The following PRDM16 variants were observed in gnomAD, a reference collection of about 807,000 sequenced individuals.
PRDM16 encodes the protein histone-lysine N-methyltransferase PRDM16.
In PRDM16, 23 loss-of-function variants were observed where a neutral mutation model predicts 110.6. That is an observed-to-expected ratio of 0.21 (90% CI 0.15 to 0.29). The LOEUF is 0.29. Among genes scored for constraint, PRDM16 ranks in the 10% least tolerant of loss-of-function variants. PRDM16 has a pLI of 1.00. For missense variants in PRDM16, 1,615 were observed against 1,794.3 expected, an observed-to-expected ratio of 0.90 and a Z score of 1.81; for synonymous variants, 799 against 781.8, an observed-to-expected ratio of 1.02 and a Z score of -0.37.
chr1:3,188,200 G>A (rs1383733436), intron 2 of PRDM16, among the ~76,000 whole-genome samples: 2 of 152,214 alleles, frequency 1.3e-5, no homozygotes, highest in African/African-American at 2.4e-5. Flanking sequence ...TCCCTGCCTG[G>A]TGTGTGGGAG....
intron 2 of PRDM16, among the ~76,000 whole-genome samples, chr1:3,224,747 G>T (rs114864264): frequency 6.6e-6 from 1 of 152,242 alleles, no homozygotes; most frequent in Non-Finnish European, 1.5e-5. Context: ...CAGGATGACA[G>T]GGGGAACCCC....
At chr1:3,271,041 G>A (rs1486296334) in intron 3 of PRDM16, among the ~76,000 whole-genome samples, 1 of 152,138 alleles carries the variant, frequency 6.6e-6, no homozygotes, top group African/African-American at 2.4e-5. Flanking sequence ...TGTCTGCCAC[G>A]CTCCTCCCAG....
chr1:3,433,724 C>T lies in PRDM16; in HGVS notation c.3744C>T (p.Thr1248=). The part of the protein sequence containing the change: ...LSLSEDTPLH[T]PSQGSLDAWL... ...TTTCCGAAGACACTCCTCTCCACAC[C>T]CCCTCCCAGGGTTCTCTGGACGCTT... is the stretch of plus-strand genomic sequence containing the variant. The change falls in exon 17 of 17, where the codon ACC becomes ACT. Residue 1248 remains threonine, a synonymous_variant. Coordinates refer to ENST00000270722, the MANE Select transcript of PRDM16 (RefSeq NM_022114.4). The T allele has an allele frequency of 6.2e-7, 1 of 1,614,034 alleles. No homozygotes were observed. Among genetic ancestry groups the T allele is most frequent in the Non-Finnish European group, 8.5e-7 (1 of 1,179,954 alleles).
chr1:3,124,510 G>GGCAGCGATGCTTACCACTATA (rs1441339912), intron 1 of PRDM16, among the ~76,000 whole-genome samples: 1 of 152,188 alleles, frequency 6.6e-6, no homozygotes, highest in Non-Finnish European at 1.5e-5. Flanking sequence ...CCTTTTGGAA[G>GGCAGCGATGCTTACCACTATA]GCAGCGATGC....
intron 1 of PRDM16, among the ~76,000 whole-genome samples, chr1:3,165,094 C>T (rs1240695094): frequency 6.6e-6 from 1 of 152,264 alleles, no homozygotes; most frequent in Non-Finnish European, 1.5e-5. Flanking sequence ...CCGGGCCCCC[C>T]TCTGCCTGGC....
At position 3,105,765 on chromosome 1, in the gene PRDM16, G is replaced by A. The variant is rs576627683; in HGVS notation, c.37+36469G>A. 5.3e-5 allele frequency among the ~76,000 whole-genome samples: 8 copies of A among 152,330 alleles called. No homozygotes were observed. In the South Asian group the frequency reaches 1.0e-3, roughly 20 times the overall value. Reference sequence around the variant, plus strand: ...TAGCGCTCCGCTGGCCTCGCCTCCCGCCCTGAGAACGGGGCTAGCAGAGGC... The same window carrying A: ...TAGCGCTCCGCTGGCCTCGCCTCCCACCCTGAGAACGGGGCTAGCAGAGGC... On this transcript the variant is annotated intron_variant, in intron 1 of 16. Transcript: ENST00000270722.
At chr1:3,182,788 G>A (rs991018206) in intron 1 of PRDM16, among the ~76,000 whole-genome samples, 23 of 152,272 alleles carry the variant, frequency 1.5e-4, no homozygotes, top group South Asian at 1.2e-3. Flanking sequence ...GGGCCTCTCC[G>A]TGAAGATCCC....
intron 3 of PRDM16, among the ~76,000 whole-genome samples, chr1:3,276,019 G>C (rs974898025): frequency 6.6e-6 from 1 of 152,214 alleles, no homozygotes; most frequent in African/African-American, 2.4e-5. Context: ...TCACGCCGTG[G>C]GTGCCATTTC....
chr1:3,123,989 G>A (rs887812985), intron 1 of PRDM16, among the ~76,000 whole-genome samples: 2 of 152,220 alleles, frequency 1.3e-5, no homozygotes, highest in African/African-American at 4.8e-5. Context: ...CGTATGGTGG[G>A]CGTCCGAGTC....
chr1:3,314,071 C>CGGCGGG (rs1553161916), intron 3 of PRDM16, among the ~76,000 whole-genome samples: 2 of 100,656 alleles, frequency 2.0e-5, no homozygotes, highest in African/African-American at 1.2e-4. Flanking sequence ...CCTTCCCCAC[C>CGGCGGG]GGGGGGGGGG....
At chr1:3,197,378 GGCACTCA>G (rs1201668845) in intron 2 of PRDM16, among the ~76,000 whole-genome samples, 8 of 152,296 alleles carry the variant, frequency 5.3e-5, no homozygotes, top group Middle Eastern at 3.4e-3. Flanking sequence ...GCTCGTCGTG[GGCACTCA>G]GTCCAATTGT....
intron 2 of PRDM16, among the ~76,000 whole-genome samples, chr1:3,229,477 T>G (rs1639359675): frequency 6.6e-6 from 1 of 152,200 alleles, no homozygotes; most frequent in African/African-American, 2.4e-5. Context: ...ATGGTGACCT[T>G]GTCATGTTTG....
chr1:3,333,851 T>C (rs973349556), intron 3 of PRDM16, among the ~76,000 whole-genome samples: 9 of 152,122 alleles, frequency 5.9e-5, no homozygotes, highest in African/African-American at 1.9e-4. Context: ...AGCCTCTCCC[T>C]CTTGCCCACT....
At chr1:3,124,916 CA>C (rs1175427812) in intron 1 of PRDM16, among the ~76,000 whole-genome samples, 3 of 152,208 alleles carry the variant, frequency 2.0e-5, no homozygotes, top group Non-Finnish European at 2.9e-5. Context: ...CCCCAGGTCT[CA>C]GGGGTACTGG....
intron 2 of PRDM16, among the ~76,000 whole-genome samples, chr1:3,191,961 C>G (rs77669305): frequency 0.012 from 1,877 of 152,266 alleles, 72 homozygotes; most frequent in East Asian, 0.1. Context: ...CCGGTTCAGT[C>G]CGATGGCAGG....
chr1:3,277,908 T>A (rs1428201894), intron 3 of PRDM16, among the ~76,000 whole-genome samples: 1 of 151,976 alleles, frequency 6.6e-6, no homozygotes, highest in African/African-American at 2.4e-5. Context: ...ACCCATACAC[T>A]CATGCACATG....
chr1:3,275,824 C>T (rs749967521), intron 3 of PRDM16, among the ~76,000 whole-genome samples: 9 of 152,138 alleles, frequency 5.9e-5, no homozygotes, highest in Non-Finnish European at 1.3e-4. Flanking sequence ...GCACATCCAG[C>T]GTGGAAGTGG....
chr1:3,413,069 C>G (rs1260610138), intron 9 of PRDM16, among the ~76,000 whole-genome samples: 1 of 152,054 alleles, frequency 6.6e-6, no homozygotes, highest in Admixed American at 6.5e-5. Flanking sequence ...TTGCTTGCAC[C>G]GATGACCACT....
chr1:3,253,554 C>T (rs1230525500), intron 3 of PRDM16, among the ~76,000 whole-genome samples: 1 of 151,780 alleles, frequency 6.6e-6, no homozygotes, highest in East Asian at 1.9e-4. Context: ...TTTTTTATGG[C>T]TGCATAGTAT....
Sources: gnomAD v4.1 joint callset for allele counts (sites outside exome capture counted in the v4.1 genomes callset) on GRCh38, gnomAD v4.1.1 for gene constraint, MANE v1.5 for transcripts, NCBI Gene and HGNC (gene_info 2026-07-23, HGNC 2026-07-21) for gene names.